TENM1: variants seen among roughly 807,000 people sequenced by gnomAD.
TENM1 encodes teneurin transmembrane protein 1, also known as teneurin-1.
TENM1 carries 35 observed loss-of-function variants against 174.8 expected under a neutral mutation model. That is an observed-to-expected ratio of 0.20 (90% CI 0.15 to 0.27). The LOEUF (loss-of-function observed/expected upper bound fraction) is 0.27, where lower values mean the gene tolerates loss of function less well. Among genes scored for constraint, TENM1 ranks in the 10% least tolerant of loss-of-function variants. The pLI is 1.00. For synonymous variants in TENM1, 781 were observed against 798.7 expected, an observed-to-expected ratio of 0.98 and a Z score of 0.37; for missense variants, 1,633 against 2,130.1, an observed-to-expected ratio of 0.77 and a Z score of 4.59.
intron 4 of TENM1, among the ~76,000 whole-genome samples, chrX:124,732,272 A>G (rs181184463): frequency 8.9e-6 from 1 of 112,242 alleles, no homozygotes; most frequent in East Asian, 2.8e-4. Context: ...GTGTATGGAT[A>G]GTGTCATGTG....
At chrX:124,382,107 G>A (rs1466183586) in intron 31 of TENM1, among the ~76,000 whole-genome samples, 1 of 111,324 alleles carries the variant, frequency 9.0e-6, no homozygotes, top group Non-Finnish European at 1.9e-5. Context: ...GAAAGAAAAA[G>A]CTCCTTATTT....
At chrX:124,455,108 C>A (rs1385225984) in intron 22 of TENM1, among the ~76,000 whole-genome samples, 1 of 111,799 alleles carries the variant, frequency 8.9e-6, no homozygotes, top group African/African-American at 3.3e-5. Flanking sequence ...TTTGATTAAT[C>A]CTGATGTTTG....
chrX:125,035,429 C>T, the TENM1 span, among the ~76,000 whole-genome samples: 1 of 111,501 alleles, frequency 9.0e-6, no homozygotes, highest in African/African-American at 3.3e-5. Flanking sequence ...TCCATGAGTC[C>T]ATGACCTGTA....
the TENM1 span, among the ~76,000 whole-genome samples, chrX:125,152,469 C>T: frequency 3.9e-4 from 44 of 111,885 alleles, no homozygotes; most frequent in Non-Finnish European, 7.1e-4. Context: ...AACACAGGCA[C>T]TTAGATTCTC....
At chrX:124,396,714 C>T (rs1286339218) in intron 27 of TENM1, among the ~76,000 whole-genome samples, 1 of 111,651 alleles carries the variant, frequency 9.0e-6, no homozygotes, top group Non-Finnish European at 1.9e-5. Flanking sequence ...GAAAGCTCCA[C>T]ATTCATACAA....
chrX:124,782,844 C>A (rs1323016577), intron 3 of TENM1, among the ~76,000 whole-genome samples: 1 of 111,120 alleles, frequency 9.0e-6, no homozygotes, highest in Admixed American at 9.6e-5. Context: ...ACTGATATTA[C>A]TCATTTATTT....
At chrX:124,565,952 T>A (rs1475392296) in intron 11 of TENM1, among the ~76,000 whole-genome samples, 1 of 112,405 alleles carries the variant, frequency 8.9e-6, no homozygotes, top group Non-Finnish European at 1.9e-5. Context: ...GCCAAACTGA[T>A]TCTGAGAAGT....
the TENM1 span, among the ~76,000 whole-genome samples, chrX:125,176,024 T>C: frequency 1.8e-5 from 2 of 111,711 alleles, no homozygotes; most frequent in Middle Eastern, 4.2e-3. Flanking sequence ...TTTCTCAAGG[T>C]CCTCTGCAGC....
At chrX:124,769,681 G>A (rs1025360646) in intron 3 of TENM1, among the ~76,000 whole-genome samples, 1 of 112,122 alleles carries the variant, frequency 8.9e-6, no homozygotes, top group African/African-American at 3.2e-5. Flanking sequence ...TGAAGATTTT[G>A]CGTAAAGTTA....
At chrX:124,429,410 G>A (rs1053788481) in intron 23 of TENM1, among the ~76,000 whole-genome samples, 2 of 110,997 alleles carry the variant, frequency 1.8e-5, no homozygotes, top group Admixed American at 9.7e-5. Context: ...TACAGAAATA[G>A]ATAATTTAAC....
At chrX:125,155,328 C>G in the TENM1 span, among the ~76,000 whole-genome samples, 1 of 111,685 alleles carries the variant, frequency 9.0e-6, no homozygotes, top group Admixed American at 9.4e-5. Context: ...GGAGTGCCTA[C>G]TGGTGTATTT....
intron 1 of TENM1, among the ~76,000 whole-genome samples, chrX:124,918,182 A>ATTTT (rs373039228): frequency 9.8e-6 from 1 of 101,984 alleles, no homozygotes; most frequent in Non-Finnish European, 2.0e-5. Context: ...AAGATACTGA[A>ATTTT]TTTTTTTTTT....
the TENM1 span, among the ~76,000 whole-genome samples, chrX:125,161,238 T>A: frequency 9.0e-6 from 1 of 111,521 alleles, no homozygotes; most frequent in Admixed American, 9.5e-5. Context: ...TATTTGCATG[T>A]ATCCTACACA....
rs747846041 is a variant in TENM1 at position 124,515,834 on chromosome X, G to GA, written c.3301+4682dup. Among the ~76,000 whole-genome samples the GA allele has an allele frequency of 6.6e-3, 639 of 96,101 alleles. 1 individual carries two copies. Among genetic ancestry groups the GA allele is most frequent in the African/African-American group, 0.022 (590 of 26,491 alleles). The allele number at this position is 96,101 out of a possible 115,157, so 83.5% of individuals were successfully genotyped here. ...ACCAATGACATTCTTCCCAGAATTA[G>GA]AAAAAAAAAAACCTCTAAAATTCAT... On this transcript the variant is annotated intron_variant, in intron 18 of 31. Coordinates refer to ENST00000422452, the Ensembl canonical transcript of TENM1.
At chrX:124,753,634 A>T (rs1293726166) in intron 3 of TENM1, among the ~76,000 whole-genome samples, 1 of 109,508 alleles carries the variant, frequency 9.1e-6, no homozygotes, top group Non-Finnish European at 1.9e-5. Flanking sequence ...TTTGTCATAG[A>T]TAGCTCTTAT....
intron 3 of TENM1, among the ~76,000 whole-genome samples, chrX:124,745,861 T>C (rs1371091637): frequency 1.8e-5 from 2 of 110,009 alleles, no homozygotes; most frequent in Non-Finnish European, 3.8e-5. Flanking sequence ...CATTTTTTTT[T>C]CAGAATTATG....
At chrX:124,858,557 T>C (rs978407836) in intron 3 of TENM1, among the ~76,000 whole-genome samples, 4 of 111,859 alleles carry the variant, frequency 3.6e-5, no homozygotes, top group Non-Finnish European at 7.5e-5. Flanking sequence ...TATATAGAGA[T>C]AGGTTAATAA....
intron 6 of TENM1, among the ~76,000 whole-genome samples, chrX:124,659,553 C>A (rs1282334504): frequency 9.0e-6 from 1 of 111,560 alleles, no homozygotes; most frequent in Non-Finnish European, 1.9e-5. Context: ...GCAGTACTTC[C>A]CAAATTGATT....
At chrX:124,624,419 G>A (rs915062285) in intron 11 of TENM1, among the ~76,000 whole-genome samples, 8 of 111,190 alleles carry the variant, frequency 7.2e-5, no homozygotes, top group South Asian at 3.7e-4. Flanking sequence ...TCATACTTCC[G>A]ATGTTAAGAT....
Sources: allele counts gnomAD v4.1 joint callset (sites outside exome capture counted in the v4.1 genomes callset), GRCh38; gene constraint gnomAD v4.1.1; transcripts MANE v1.5; gene names NCBI Gene and HGNC (gene_info 2026-07-23, HGNC 2026-07-21).